The following RALYL variants were observed in gnomAD, a reference collection of about 807,000 sequenced individuals.
RALYL encodes RNA-binding Raly-like protein.
A neutral mutation model predicts 35.1 loss-of-function variants in RALYL; 29 were observed. That is an observed-to-expected ratio of 0.83 (90% CI 0.61 to 1.13). The LOEUF is 1.13. Ranked by LOEUF, RALYL falls within the 50% of genes most tolerant of loss-of-function variation. The pLI, the probability that RALYL is intolerant of heterozygous loss-of-function variation, is 0.00. For missense variants in RALYL, 359 were observed against 360.4 expected, an observed-to-expected ratio of 1.00 and a Z score of 0.03; for synonymous variants, 120 against 127.6, an observed-to-expected ratio of 0.94 and a Z score of 0.40.
intron 2 of RALYL, among the ~76,000 whole-genome samples, chr8:84,663,666 TG>T (rs1397420784): frequency 1.3e-5 from 2 of 152,152 alleles, no homozygotes; most frequent in Non-Finnish European, 2.9e-5. Flanking sequence ...TTAATGGGGT[TG>T]TTTTTTTAAT....
At chr8:84,249,824 A>T (rs953738030) in intron 1 of RALYL, among the ~76,000 whole-genome samples, 6 of 152,036 alleles carry the variant, frequency 3.9e-5, no homozygotes, top group Non-Finnish European at 5.9e-5. Flanking sequence ...AGAAAATATA[A>T]AATAAATAAT....
chr8:84,866,959 C>A (rs527383483), intron 6 of RALYL, among the ~76,000 whole-genome samples: 1 of 152,052 alleles, frequency 6.6e-6, no homozygotes, highest in Non-Finnish European at 1.5e-5. Context: ...CATTAGTTGG[C>A]GAGGGCTGCC....
chr8:84,454,950 A>G (rs1007303223), intron 1 of RALYL, among the ~76,000 whole-genome samples: 2 of 152,128 alleles, frequency 1.3e-5, no homozygotes, highest in African/African-American at 4.8e-5. Context: ...TTCACACTGC[A>G]GAAAGACTAT....
chr8:84,513,902 C>A lies in RALYL; in HGVS notation c.-23-15397C>A, dbSNP rs192405952. Reference sequence around the variant, plus strand: ...CTTGAGGTCAGGAGTTCGAGACTAGCCTGGCCAACATGGTGAAACCTTGTC... The same window carrying A: ...CTTGAGGTCAGGAGTTCGAGACTAGACTGGCCAACATGGTGAAACCTTGTC... On this transcript the variant is annotated intron_variant, in intron 1 of 8. Coordinates refer to ENST00000521268, the MANE Select transcript of RALYL (RefSeq NM_173848.7). 7.9e-4 allele frequency among the ~76,000 whole-genome samples: 120 copies of A among 151,742 alleles called. 1 individual carries two copies. The Middle Eastern group carries it at 0.01, about 13-fold the overall frequency.
At chr8:84,682,579 G>A (rs529280413) in intron 2 of RALYL, among the ~76,000 whole-genome samples, 8 of 152,306 alleles carry the variant, frequency 5.3e-5, no homozygotes, top group African/African-American at 1.7e-4. Flanking sequence ...GAGAGTGTAT[G>A]TGTCGAGGAA....
intron 1 of RALYL, among the ~76,000 whole-genome samples, chr8:84,302,357 T>A (rs1840968274): frequency 6.6e-6 from 1 of 152,198 alleles, no homozygotes. Context: ...TAAGCCCACT[T>A]GTTGAACAGG....
chr8:84,657,514 G>A (rs1221091210), intron 2 of RALYL, among the ~76,000 whole-genome samples: 2 of 152,164 alleles, frequency 1.3e-5, no homozygotes, highest in East Asian at 3.9e-4. Flanking sequence ...CAGTGCATTA[G>A]TAAAGGGGCT....
At chr8:84,374,339 G>T (rs948760217) in intron 1 of RALYL, among the ~76,000 whole-genome samples, 2 of 151,896 alleles carry the variant, frequency 1.3e-5, no homozygotes, top group African/African-American at 4.8e-5. Flanking sequence ...TATTGTCTGT[G>T]AGTTTGTCAT....
intron 1 of RALYL, among the ~76,000 whole-genome samples, chr8:84,350,215 A>G (rs1332148893): frequency 6.7e-6 from 1 of 150,292 alleles, no homozygotes; most frequent in Non-Finnish European, 1.5e-5. Flanking sequence ...CTAGGCCTAT[A>G]GCTTTATTCC....
chr8:84,364,108 G>A (rs1563794399), intron 1 of RALYL, among the ~76,000 whole-genome samples: 1 of 152,064 alleles, frequency 6.6e-6, no homozygotes, highest in Non-Finnish European at 1.5e-5. Flanking sequence ...AACCACAAAT[G>A]TTAGACCAAA....
At chr8:84,812,419 G>A (rs1424377552) in intron 4 of RALYL, among the ~76,000 whole-genome samples, 1 of 152,112 alleles carries the variant, frequency 6.6e-6, no homozygotes, top group East Asian at 1.9e-4. Flanking sequence ...TCTGCTGGGA[G>A]GTGGCACTTT....
intron 1 of RALYL, among the ~76,000 whole-genome samples, chr8:84,309,175 T>C (rs989581559): frequency 2.0e-5 from 3 of 151,362 alleles, no homozygotes; most frequent in African/African-American, 7.2e-5. Flanking sequence ...TAGACCATGA[T>C]AGATTTAAAC....
intron 7 of RALYL, among the ~76,000 whole-genome samples, chr8:84,884,331 G>T (rs979223174): frequency 1.3e-5 from 2 of 151,908 alleles, no homozygotes; most frequent in African/African-American, 4.8e-5. Flanking sequence ...CATTCAGCTG[G>T]GAAGATCAGG....
At chr8:84,252,561 G>A (rs1421978305) in intron 1 of RALYL, among the ~76,000 whole-genome samples, 1 of 152,056 alleles carries the variant, frequency 6.6e-6, no homozygotes, top group Non-Finnish European at 1.5e-5. Flanking sequence ...TTTTAAGCTT[G>A]GATAGAAAAA....
At chr8:84,766,653 G>A (rs985595446) in intron 2 of RALYL, among the ~76,000 whole-genome samples, 1 of 148,100 alleles carries the variant, frequency 6.8e-6, no homozygotes, top group African/African-American at 2.5e-5. Context: ...GAACCCGAGA[G>A]GCAGAGGTTG....
chr8:84,858,575 T>C (rs1271334022), intron 5 of RALYL, among the ~76,000 whole-genome samples: 1 of 152,226 alleles, frequency 6.6e-6, no homozygotes, highest in African/African-American at 2.4e-5. Context: ...TTCTGCTGGA[T>C]TGCCATTTCT....
At chr8:84,769,530 G>C (rs550407196) in intron 2 of RALYL, among the ~76,000 whole-genome samples, 3 of 152,288 alleles carry the variant, frequency 2.0e-5, no homozygotes, top group Non-Finnish European at 2.9e-5. Context: ...GGAAGCCGAG[G>C]CTGGAGGATC....
intron 2 of RALYL, among the ~76,000 whole-genome samples, chr8:84,731,879 A>G (rs894024341): frequency 6.6e-6 from 1 of 152,114 alleles, no homozygotes; most frequent in Non-Finnish European, 1.5e-5. Context: ...TTTTCCATGT[A>G]GCGCTCACAC....
chr8:84,199,446 G>T (rs559812046), intron 1 of RALYL, among the ~76,000 whole-genome samples: 2 of 151,984 alleles, frequency 1.3e-5, no homozygotes, highest in African/African-American at 4.8e-5. Context: ...TCTATGAGTT[G>T]TCTCCTCACT....
Sources: gnomAD v4.1 joint callset for allele counts (sites outside exome capture counted in the v4.1 genomes callset) on GRCh38, gnomAD v4.1.1 for gene constraint, MANE v1.5 for transcripts, NCBI Gene and HGNC (gene_info 2026-07-23, HGNC 2026-07-21) for gene names.